PXT1: variants seen among roughly 807,000 people sequenced by gnomAD.
PXT1 encodes peroxisomal testis-specific protein 1.
Under a neutral mutation model 11.0 loss-of-function variants are expected in PXT1, and 11 were observed. The ratio of observed to expected loss-of-function variants is 1.00; its 90% confidence interval spans 0.63 to 1.66. The LOEUF (loss-of-function observed/expected upper bound fraction) is 1.66. Ranked by LOEUF, PXT1 falls within the 40% of genes most tolerant of loss-of-function variation. The probability of loss-of-function intolerance (pLI) is 0.00; values close to 1 mark genes in which losing one functional copy is unlikely to be tolerated. For missense variants in PXT1, 141 were observed against 155.5 expected, an observed-to-expected ratio of 0.91 and a Z score of 0.49; for synonymous variants, 43 against 51.4, an observed-to-expected ratio of 0.84 and a Z score of 0.70.
intron 3 of PXT1, among the ~76,000 whole-genome samples, chr6:36,415,417 C>T (rs1774434049): frequency 6.6e-6 from 1 of 152,038 alleles, no homozygotes; most frequent in African/African-American, 2.4e-5. Context: ...GCACTCCAGC[C>T]TAGGCGATGT....
intron 3 of PXT1, among the ~76,000 whole-genome samples, chr6:36,415,392 C>T (rs1477058717): frequency 2.0e-5 from 3 of 152,080 alleles, no homozygotes; most frequent in East Asian, 3.9e-4. Flanking sequence ...TGCAGTGAGC[C>T]GAGATCGCAC....
chr6:36,392,678 T>C (rs910140998), intron 4 of PXT1, among the ~76,000 whole-genome samples: 3 of 151,992 alleles, frequency 2.0e-5, no homozygotes, highest in Admixed American at 6.6e-5. Context: ...ATAATAATAA[T>C]TAATAATGTC....
chr6:36,399,717 C>T (rs943106189), intron 4 of PXT1, among the ~76,000 whole-genome samples: 1 of 152,186 alleles, frequency 6.6e-6, no homozygotes, highest in Non-Finnish European at 1.5e-5. Context: ...TCATTCTCTC[C>T]TGCCAAATAC....
chr6:36,391,900 G>T (rs1261568856), intron 4 of PXT1, 26 bp from the exon 5 acceptor site: 12 of 1,291,648 alleles, frequency 9.3e-6, no homozygotes, highest in South Asian at 2.6e-5. Flanking sequence ...GAGACACAGA[G>T]AAAGGTTTTT....
chr6:36,424,324 T>C (rs1388660383), intron 3 of PXT1, among the ~76,000 whole-genome samples: 1 of 152,228 alleles, frequency 6.6e-6, no homozygotes, highest in Non-Finnish European at 1.5e-5. Flanking sequence ...TGGGGAATAA[T>C]TGTTGTTGAC....
intron 3 of PXT1, among the ~76,000 whole-genome samples, chr6:36,422,673 A>G (rs377088608): frequency 8.5e-5 from 13 of 152,310 alleles, no homozygotes; most frequent in African/African-American, 3.1e-4. Context: ...ATGTATATCT[A>G]GAGGAGGAAG....
At chr6:36,438,486 T>A (rs1357895636) in intron 2 of PXT1, among the ~76,000 whole-genome samples, 1 of 152,126 alleles carries the variant, frequency 6.6e-6, no homozygotes, top group Non-Finnish European at 1.5e-5. Flanking sequence ...TGCAGTGGCG[T>A]GATCTTAGCT....
At chr6:36,423,324 C>T (rs1048800892) in intron 3 of PXT1, among the ~76,000 whole-genome samples, 1 of 152,384 alleles carries the variant, frequency 6.6e-6, no homozygotes, top group East Asian at 1.9e-4. Flanking sequence ...TCCTCGGAAC[C>T]ACCTCGCGCA....
chr6:36,418,624 T>G (rs1433248114), intron 3 of PXT1, among the ~76,000 whole-genome samples: 2 of 152,098 alleles, frequency 1.3e-5, no homozygotes, highest in Admixed American at 1.3e-4. Context: ...GGGCAACTAG[T>G]GAGAACCACT....
intron 2 of PXT1, among the ~76,000 whole-genome samples, chr6:36,436,097 A>T (rs12526415): frequency 0.047 from 6,424 of 135,530 alleles, 359 homozygotes; most frequent in Admixed American, 0.17. Context: ...AAAATTAATT[A>T]AAAAAAAAAG....
At chr6:36,414,207 A>G (rs1395396339) in intron 3 of PXT1, among the ~76,000 whole-genome samples, 1 of 152,210 alleles carries the variant, frequency 6.6e-6, no homozygotes, top group Non-Finnish European at 1.5e-5. Flanking sequence ...ACCCATGTGT[A>G]GGGAAGTCCC....
At chr6:36,427,433 G>C (rs1030456658) in intron 2 of PXT1, among the ~76,000 whole-genome samples, 8 of 152,126 alleles carry the variant, frequency 5.3e-5, no homozygotes, top group African/African-American at 1.9e-4. Flanking sequence ...TACTGGAAAG[G>C]GAAAGAATGG....
rs367679617 is a variant in PXT1 at position 36,391,616 on chromosome 6, G to A, written c.*154C>T. On this transcript the variant is annotated 3_prime_UTR_variant, in exon 5 of 5. Coordinates refer to ENST00000454782, the MANE Select transcript of PXT1 (RefSeq NM_152990.4). ...GAAGAGACAAATGGCTCGTGAACCCGCAGTTCTTCAACAAACTGGGTGTAG... is the reference window on the plus strand; with the variant it reads ...GAAGAGACAAATGGCTCGTGAACCCACAGTTCTTCAACAAACTGGGTGTAG... 13 of 663,478 alleles carry A rather than the reference G, an allele frequency of 2.0e-5. No individual in the cohort carries two copies. Among genetic ancestry groups the A allele is most frequent in the East Asian group, 5.5e-5 (2 of 36,648 alleles). The allele number at this position is 663,478 out of a possible 1,614,324, so 41.1% of individuals were successfully genotyped here. A position where few individuals can be genotyped will look rare whatever the true frequency, so the allele number is the denominator to read the frequency against.
At chr6:36,436,830 T>C (rs914029420) in intron 2 of PXT1, among the ~76,000 whole-genome samples, 4 of 152,196 alleles carry the variant, frequency 2.6e-5, no homozygotes, top group Non-Finnish European at 5.9e-5. Flanking sequence ...ATTCTTACTA[T>C]GTGTCAGGCA....
chr6:36,409,426 G>C (rs932611323), intron 3 of PXT1, among the ~76,000 whole-genome samples: 7 of 152,196 alleles, frequency 4.6e-5, no homozygotes, highest in Admixed American at 4.6e-4. Context: ...GAGACTGGGA[G>C]AGGGAGACGC....
intron 3 of PXT1, among the ~76,000 whole-genome samples, chr6:36,401,203 T>G (rs898772158): frequency 3.3e-5 from 5 of 151,844 alleles, no homozygotes; most frequent in African/African-American, 1.2e-4. Context: ...TAATGATATA[T>G]TTTACATTTT....
intron 3 of PXT1, among the ~76,000 whole-genome samples, chr6:36,407,428 T>G (rs1039130260): frequency 2.0e-5 from 3 of 152,218 alleles, no homozygotes; most frequent in African/African-American, 7.2e-5. Context: ...GTATTAAAAT[T>G]TTAATATCTA....
In PXT1 at chr6:36,391,761, A is replaced by T; in HGVS notation, c.*9T>A. The T allele has an allele frequency of 6.3e-7, 1 of 1,583,718 alleles. No homozygotes were observed. Among genetic ancestry groups the T allele is most frequent in the Non-Finnish European group, 8.7e-7 (1 of 1,152,702 alleles). The stretch of plus-strand genomic sequence containing the variant: ...AACAGAACTTGACCACTTGACCTTT[A>T]CTTTCCTTTTACAGCAAATGGTTGT... On this transcript the variant is annotated 3_prime_UTR_variant, in exon 5 of 5. Transcript: ENST00000454782.
intron 3 of PXT1, among the ~76,000 whole-genome samples, chr6:36,417,896 G>A (rs1170137471): frequency 6.6e-6 from 1 of 152,072 alleles, no homozygotes; most frequent in Non-Finnish European, 1.5e-5. Context: ...CAGCTTGGAG[G>A]CTTAAAAAGT....
Sources: gnomAD v4.1 joint callset for allele counts (sites outside exome capture counted in the v4.1 genomes callset) on GRCh38, gnomAD v4.1.1 for gene constraint, MANE v1.5 for transcripts, NCBI Gene and HGNC (gene_info 2026-07-23, HGNC 2026-07-21) for gene names.